EPS15: variants seen among roughly 807,000 people sequenced by gnomAD.
The protein encoded by EPS15 is epidermal growth factor receptor substrate 15.
In EPS15, 72 loss-of-function variants were observed where a neutral mutation model predicts 113.8. The ratio of observed to expected loss-of-function variants is 0.63; its 90% CI spans 0.52 to 0.77. The LOEUF (loss-of-function observed/expected upper bound fraction) is 0.77, where lower values mean the gene tolerates loss of function less well. Ranked by LOEUF, EPS15 falls within the 30% of genes least tolerant of loss-of-function variation. The pLI is 0.00. For missense variants in EPS15, 1,048 were observed against 1,045.8 expected, an observed-to-expected ratio of 1.00 and a Z score of -0.03; for synonymous variants, 344 against 363.4, an observed-to-expected ratio of 0.95 and a Z score of 0.61.
chr1:51,365,849 A>C (rs1646495792), intron 22 of EPS15, 104 bp downstream of exon 22: 1 of 653,968 alleles, frequency 1.5e-6, no homozygotes, highest in African/African-American at 1.8e-5. Context: ...GATTTACTGA[A>C]ATCAAGTTGC....
In EPS15 at chr1:51,363,884, G is replaced by T. The variant is rs1198284122; in HGVS notation, c.2341C>A (p.Pro781Thr). The T allele has an allele frequency of 1.2e-6, 2 of 1,613,316 alleles. No individual in the cohort carries two copies. Among genetic ancestry groups the T allele is most frequent in the East Asian group, 4.5e-5 (2 of 44,836 alleles). Residue 781 changes from proline to threonine, a missense_variant, in exon 23 of 25, where the codon CCC becomes ACC. Transcript: ENST00000371733. ...CTCATACCAGGTGGTAGAGGGCAGG[G>T]TCTTGTTGGAGTTCCGATCTTTGGT... ...LPPKIGTPTRPCPLPPGKRSI... is the reference protein window; with the variant it reads ...LPPKIGTPTRTCPLPPGKRSI...
At chr1:51,389,911 A>G (rs1266710013) in intron 21 of EPS15, among the ~76,000 whole-genome samples, 2 of 152,248 alleles carry the variant, frequency 1.3e-5, no homozygotes, top group Non-Finnish European at 2.9e-5. Flanking sequence ...TATAGATTCA[A>G]TGCCATCCCC....
chr1:51,496,010 T>C (rs1644317694), intron 1 of EPS15, among the ~76,000 whole-genome samples: 3 of 152,244 alleles, frequency 2.0e-5, no homozygotes, highest in African/African-American at 7.2e-5. Flanking sequence ...AGTATGAATT[T>C]AAATAGCACA....
chr1:51,443,336 A>G (rs1181535098), intron 11 of EPS15, among the ~76,000 whole-genome samples: 4 of 152,198 alleles, frequency 2.6e-5, no homozygotes, highest in Admixed American at 6.5e-5. Flanking sequence ...AGGTGAAAGA[A>G]AGCATGAAAC....
chr1:51,405,879 G>A (rs1649072375), intron 16 of EPS15, 26 bp downstream of exon 16: 1 of 1,591,842 alleles, frequency 6.3e-7, no homozygotes, highest in African/African-American at 1.4e-5. Context: ...GGTTGATTAT[G>A]AAGGTTATGA....
chr1:51,422,569 C>T (rs974706157), intron 12 of EPS15, among the ~76,000 whole-genome samples: 3 of 152,226 alleles, frequency 2.0e-5, no homozygotes, highest in Admixed American at 6.5e-5. Flanking sequence ...TTTGAAACAT[C>T]GTTACCTAAA....
rs1291309312 is a variant in EPS15 at position 51,440,393 on chromosome 1, T to G, written c.994A>C (p.Ile332Leu). Residue 332 changes from isoleucine to leucine, a missense_variant, in exon 12 of 25, where the codon ATT becomes CTT. Transcript: ENST00000371733. ...GSSPVADFSA[I>L]KELDTLNNEI... ...TTGTTAAGAGTATCTAGTTCCTTAA[T>G]AGCAGAGAAATCTGCAACAGGACTT... 2.5e-6 allele frequency: 4 copies of G among 1,593,602 alleles called. No individual in the cohort carries two copies. Among genetic ancestry groups the G allele is most frequent in the Non-Finnish European group, 3.4e-6 (4 of 1,166,508 alleles).
At chr1:51,374,182 G>A (rs1481563941) in intron 21 of EPS15, among the ~76,000 whole-genome samples, 1 of 152,198 alleles carries the variant, frequency 6.6e-6, no homozygotes, top group Non-Finnish European at 1.5e-5. Flanking sequence ...TCCTCAGGAT[G>A]TTATAAAGAT....
intron 2 of EPS15, among the ~76,000 whole-genome samples, chr1:51,476,483 A>AT (rs1450487837): frequency 6.6e-6 from 1 of 152,038 alleles, no homozygotes; most frequent in Non-Finnish European, 1.5e-5. Context: ...GTTTATTTGC[A>AT]TAGAGGTGTT....
intron 23 of EPS15, among the ~76,000 whole-genome samples, chr1:51,362,605 T>C (rs1646413193): frequency 6.6e-6 from 1 of 152,206 alleles, no homozygotes; most frequent in African/African-American, 2.4e-5. Flanking sequence ...TGACATAAGC[T>C]ACCTTTCCTT....
At chr1:51,425,562 T>C (rs1651130739) in intron 12 of EPS15, among the ~76,000 whole-genome samples, 1 of 152,240 alleles carries the variant, frequency 6.6e-6, no homozygotes, top group Non-Finnish European at 1.5e-5. Context: ...CTCACAAAGC[T>C]GTATTTTCCA....
At chr1:51,501,631 A>G (rs575990670) in intron 1 of EPS15, among the ~76,000 whole-genome samples, 19 of 151,334 alleles carry the variant, frequency 1.3e-4, no homozygotes, top group African/African-American at 4.4e-4. Context: ...GGTGTCTGCC[A>G]CCACGCCCAG....
chr1:51,390,396 T>C (rs578150313), intron 21 of EPS15, among the ~76,000 whole-genome samples: 7 of 152,272 alleles, frequency 4.6e-5, no homozygotes, highest in Admixed American at 2.0e-4. Context: ...ATTCAGGACA[T>C]AGGCATGGGC....
Position 51,440,355 on chromosome 1 carries a change from G to T in EPS15, c.1032C>A (p.Asp344Glu). 6.5e-7 allele frequency: 1 copy of T among 1,545,638 alleles called. No homozygotes were observed. ...AATTTTGCTTTACATACCTCTGTAG[G>T]TCAACTATTTCATTGTTAAGAGTAT... is the stretch of plus-strand genomic sequence containing the variant. ...ELDTLNNEIV[D>E]LQREKNNVEQ... Residue 344 changes from aspartate to glutamate, a missense_variant, in exon 12 of 25, where the codon GAC becomes GAA. By Grantham distance (45) the Asp-to-Glu change is conservative. Coordinates refer to ENST00000371733, the MANE Select transcript of EPS15 (RefSeq NM_001981.3).
intron 1 of EPS15, among the ~76,000 whole-genome samples, chr1:51,486,336 A>T (rs1407556574): frequency 6.6e-6 from 1 of 151,612 alleles, no homozygotes; most frequent in African/African-American, 2.4e-5. Flanking sequence ...GAGGCAGCAG[A>T]ATTGCTTTAA....
intron 21 of EPS15, among the ~76,000 whole-genome samples, chr1:51,374,080 G>T (rs1306694911): frequency 1.3e-5 from 2 of 152,188 alleles, no homozygotes; most frequent in African/African-American, 4.8e-5. Flanking sequence ...CGTTTAGCCT[G>T]AGTCATTGCC....
chr1:51,380,448 A>T (rs887353220), intron 21 of EPS15, among the ~76,000 whole-genome samples: 1 of 152,198 alleles, frequency 6.6e-6, no homozygotes, highest in African/African-American at 2.4e-5. Context: ...GCTGTAAAGG[A>T]GTGGTTTTGG....
chr1:51,446,721 C>CT (rs901381164), intron 10 of EPS15, among the ~76,000 whole-genome samples: 1 of 152,168 alleles, frequency 6.6e-6, no homozygotes, highest in African/African-American at 2.4e-5. Context: ...TCCCAAAGTG[C>CT]TGGGATTACA....
At chr1:51,468,672 A>G in intron 4 of EPS15, 104 bp from the exon 5 acceptor site, 1 of 739,610 alleles carries the variant, frequency 1.4e-6, no homozygotes, top group South Asian at 1.8e-5. Context: ...CATAATTACT[A>G]CAGAGGTCTT....
Sources: allele counts gnomAD v4.1 joint callset (sites outside exome capture counted in the v4.1 genomes callset), GRCh38; gene constraint gnomAD v4.1.1; transcripts MANE v1.5; gene names NCBI Gene and HGNC (gene_info 2026-07-23, HGNC 2026-07-21).